The following LYRM2 variants were observed in gnomAD, a reference collection of about 807,000 sequenced individuals.
LYRM2 encodes LYR motif containing 2.
In LYRM2, 8 loss-of-function variants were observed where a neutral mutation model predicts 11.6. The observed-to-expected ratio is 0.69, with a 90% CI of 0.40 to 1.24. LYRM2 has a LOEUF of 1.24. Ranked by LOEUF, LYRM2 falls within the 50% of genes most tolerant of loss-of-function variation. The pLI is 0.01. For synonymous variants in LYRM2, 30 were observed against 36.4 expected (o/e 0.83, Z 0.63); for missense variants, 117 against 102.9 (o/e 1.14, Z -0.59).
Position 89,637,334 on chromosome 6 carries a change from A to C in LYRM2, c.206T>G (p.Ile69Ser), listed in dbSNP as rs531724273. The change falls in exon 3 of 3, where the codon ATT becomes AGT. Residue 69 changes from isoleucine (I) to serine (S), a missense_variant. Physicochemically the swap from Ile to Ser is moderately radical, Grantham distance 142. Transcript: ENST00000523377. ...ATEEDTIRMMITQGNMQLKEL... is the reference protein window; with the variant it reads ...ATEEDTIRMMSTQGNMQLKEL... ...CTTGAGCTGCATATTGCCTTGAGTA[A>C]TCATCATCCGGATTGTATCCTGTAG... 11 of 1,607,014 alleles carry C rather than the reference A, an allele frequency of 6.8e-6. No homozygotes were observed. The highest frequency in any genetic ancestry group is 9.4e-6 in the Non-Finnish European group (11 of 1,174,032).
At chr6:89,638,401 T>C (rs1261446065) in intron 1 of LYRM2, 33 of 1,404,282 alleles carry the variant, frequency 2.3e-5, no homozygotes, top group Non-Finnish European at 2.8e-5. Context: ...AATAGACTTT[T>C]ACCGTGGGCA....
At chr6:89,638,020 T>TC (rs1808061514) in intron 1 of LYRM2, 138 bp from the exon 2 acceptor site, 1 of 992,116 alleles carries the variant, frequency 1.0e-6, no homozygotes, top group East Asian at 2.5e-5. Flanking sequence ...CTTTTTTTTT[T>TC]CTTTTTTTGG....
intron 1 of LYRM2, chr6:89,638,336 T>C: frequency 8.2e-7 from 1 of 1,219,106 alleles, no homozygotes; most frequent in Non-Finnish European, 1.0e-6. Flanking sequence ...TTTTCTAAAT[T>C]AACAGTTGTT....
At chr6:89,637,675 TAAAAA>T (rs543524750) in intron 2 of LYRM2, 62 bp downstream of exon 2, 13 of 1,281,976 alleles carry the variant, frequency 1.0e-5, no homozygotes, top group South Asian at 7.4e-5. Flanking sequence ...CTGCTAAACT[TAAAAA>T]AAAAAATTCA....
In LYRM2 at chr6:89,632,368, A is replaced by AAATT. The variant is rs1563203006; in HGVS notation, c.*4904_*4905insAATT. 1.3e-5 allele frequency: 2 copies of AAATT among 151,702 alleles called. No individual in the cohort carries two copies. Among genetic ancestry groups the AAATT allele is most frequent in the African/African-American group, 4.8e-5 (2 of 41,262 alleles). The allele number at this position is 151,702 out of a possible 1,614,324, so 9.4% of individuals were successfully genotyped here. ...CATAGATATAGACATTCCTAAAAGAAAAATAATTCAGTAGATATATGTCAC... is the reference window on the plus strand; with the variant it reads ...CATAGATATAGACATTCCTAAAAGAAAATTAAATAATTCAGTAGATATATGTCAC... On this transcript the variant is annotated 3_prime_UTR_variant, in exon 3 of 3. Transcript: ENST00000523377.
In LYRM2 at chr6:89,633,776, C is replaced by G. The variant is rs1473463331; in HGVS notation, c.*3497G>C. 1 of 152,034 alleles carries G rather than the reference C, an allele frequency of 6.6e-6. No individual in the cohort carries two copies. The highest frequency in any genetic ancestry group is 1.5e-5 in the Non-Finnish European group (1 of 68,012). The allele number at this position is 152,034 out of a possible 1,614,324, so 9.4% of individuals were successfully genotyped here. Reference sequence around the variant, plus strand: ...TTATCACCTTGAATTTGTGTCTCTTCCAAGCATTAAAGATACTATGGATCT... The same window carrying G: ...TTATCACCTTGAATTTGTGTCTCTTGCAAGCATTAAAGATACTATGGATCT... On this transcript the variant is annotated 3_prime_UTR_variant, in exon 3 of 3. Coordinates refer to ENST00000523377, the MANE Select transcript of LYRM2 (RefSeq NM_020466.5).
At chr6:89,638,575 C>G in intron 1 of LYRM2, 97 bp downstream of exon 1, 1 of 1,602,062 alleles carries the variant, frequency 6.2e-7, no homozygotes. Context: ...CACGCCGCAT[C>G]AGGACCCCGG....
At position 89,634,155 on chromosome 6, in the gene LYRM2, A is replaced by G. The variant is rs1158334301; in HGVS notation, c.*3118T>C. On this transcript the variant is annotated 3_prime_UTR_variant, in exon 3 of 3. Coordinates refer to ENST00000523377, the MANE Select transcript of LYRM2 (RefSeq NM_020466.5). ...CAACATTATACTTTTTGACTAAGTTATTAAAAGTTAAATGCATTTCTTCTT... is the reference window on the plus strand; with the variant it reads ...CAACATTATACTTTTTGACTAAGTTGTTAAAAGTTAAATGCATTTCTTCTT... 6.6e-6 allele frequency: 1 copy of G among 152,270 alleles called. No homozygotes were observed. The highest frequency in any genetic ancestry group is 1.5e-5 in the Non-Finnish European group (1 of 68,042). The allele number at this position is 152,270 out of a possible 1,614,324, so 9.4% of individuals were successfully genotyped here.
intron 1 of LYRM2, chr6:89,638,454 GAC>G: frequency 2.1e-6 from 3 of 1,461,384 alleles, no homozygotes; most frequent in Non-Finnish European, 2.7e-6. Flanking sequence ...TCAAGCGCCT[GAC>G]GCTGTCTCAC....
rs1243020829 is a variant in LYRM2 at position 89,637,823 on chromosome 6, T to G, written c.105A>C (p.Gln35His). 1 of 1,614,190 alleles carries G rather than the reference T, an allele frequency of 6.2e-7. No homozygotes were observed. The highest frequency in any genetic ancestry group is 1.7e-5 in the Admixed American group (1 of 60,020). Residue 35 changes from glutamine (Q) to histidine (H), a missense_variant, in exon 2 of 3, where the codon CAA becomes CAC. Physicochemically the swap from Gln to His is conservative, Grantham distance 24. Transcript: ENST00000523377. ...ATTTGCGATCAGAATCATTTGGAAC[T>G]TGCCGAATTGTTTGCAAAATCCTTC... ...LYRRILQTIR[Q>H]VPNDSDRKYL...
At chr6:89,638,014 T>C (rs1371282688) in intron 1 of LYRM2, 132 bp from the exon 2 acceptor site, 13 of 1,005,846 alleles carry the variant, frequency 1.3e-5, no homozygotes, top group African/African-American at 3.3e-5. Flanking sequence ...GAAAAACTTT[T>C]TTTTTTCTTT....
At chr6:89,638,172 C>G in intron 1 of LYRM2, 1 of 733,194 alleles carries the variant, frequency 1.4e-6, no homozygotes. Flanking sequence ...GGCCCTGTCT[C>G]AAAAAGATGT....
intron 1 of LYRM2, chr6:89,638,316 C>T: frequency 8.4e-7 from 1 of 1,183,932 alleles, no homozygotes; most frequent in South Asian, 2.5e-5. Flanking sequence ...GTTATTACAA[C>T]GACAGCACTT....
At position 89,636,546 on chromosome 6, in the gene LYRM2, T is replaced by TGAA. The variant is rs1268542362; in HGVS notation, c.*724_*726dup. On this transcript the variant is annotated 3_prime_UTR_variant, in exon 3 of 3. Coordinates refer to ENST00000523377, the MANE Select transcript of LYRM2 (RefSeq NM_020466.5). ...TTTGAGGAACTGACCGTCTGTTTTC[T>TGAA]GAAGTGGCTACACCATTTTACATTC... is the stretch of plus-strand genomic sequence containing the variant. The TGAA allele has an allele frequency of 6.6e-6, 1 of 152,384 alleles. No individual in the cohort carries two copies. Among genetic ancestry groups the TGAA allele is most frequent in the East Asian group, 1.9e-4 (1 of 5,190 alleles). 9.4% of individuals were successfully genotyped at this position (152,384 alleles called of 1,614,324 possible).
rs572877781 is a variant in LYRM2, at chr6:89,634,326, C to A, written c.*2947G>T. 1 of 152,014 alleles carries A rather than the reference C, an allele frequency of 6.6e-6. No homozygotes were observed. Among genetic ancestry groups the A allele is most frequent in the East Asian group, 1.9e-4 (1 of 5,176 alleles). 9.4% of individuals were successfully genotyped at this position (152,014 alleles called of 1,614,324 possible). On this transcript the variant is annotated 3_prime_UTR_variant, in exon 3 of 3. Coordinates refer to ENST00000523377, the MANE Select transcript of LYRM2 (RefSeq NM_020466.5). ...GGAGAAATACTCTTTCCCTTTGATA[C>A]GACTATAATATTATAAACAGCAAGG...
chr6:89,637,383 T>C, intron 2 of LYRM2, 30 bp from the exon 3 acceptor site: 1 of 1,409,880 alleles, frequency 7.1e-7, no homozygotes, highest in Non-Finnish European at 1.0e-6. Flanking sequence ...CTGGTTATAG[T>C]TTTACCTGGT....
Position 89,632,624 on chromosome 6 carries a change from G to A in LYRM2, c.*4649C>T, listed in dbSNP as rs1018249404. 6.6e-6 allele frequency: 1 copy of A among 152,138 alleles called. No homozygotes were observed. The highest frequency in any genetic ancestry group is 6.5e-5 in the Admixed American group (1 of 15,272). 9.4% of individuals were successfully genotyped at this position (152,138 alleles called of 1,614,324 possible). Reference sequence around the variant, plus strand: ...AAGGTCTCATGATATTGCCCAGGCTGAATTTGATGTTATTTCAAGTTGATT... The same window carrying A: ...AAGGTCTCATGATATTGCCCAGGCTAAATTTGATGTTATTTCAAGTTGATT... On this transcript the variant is annotated 3_prime_UTR_variant, in exon 3 of 3. Coordinates refer to ENST00000523377, the MANE Select transcript of LYRM2 (RefSeq NM_020466.5).
Position 89,632,875 on chromosome 6 carries a change from A to G in LYRM2, c.*4398T>C, listed in dbSNP as rs1213431856. The G allele has an allele frequency of 1.3e-5, 2 of 152,246 alleles. No individual in the cohort carries two copies. Among genetic ancestry groups the G allele is most frequent in the African/African-American group, 4.8e-5 (2 of 41,454 alleles). The allele number at this position is 152,246 out of a possible 1,614,324, so 9.4% of individuals were successfully genotyped here. ...CTCAGTATACATCAATTTATTGAGA[A>G]CTGCCTAATACTCAAGAAATTAAAT... On this transcript the variant is annotated 3_prime_UTR_variant, in exon 3 of 3. Coordinates refer to ENST00000523377, the MANE Select transcript of LYRM2 (RefSeq NM_020466.5).
chr6:89,637,770 A>G lies in LYRM2; in HGVS notation c.158T>C (p.Phe53Ser). The G allele has an allele frequency of 6.2e-7, 1 of 1,614,040 alleles. No homozygotes were observed. ...TTCGGTGGCACTTTTGTTTCTTCTG[A>G]ATTCTTCTCTTGCCCAATCTTTCAG... Reference protein sequence around the residue: ...KYLKDWAREEFRRNKSATEED... With the variant: ...KYLKDWAREESRRNKSATEED... Residue 53 changes from phenylalanine to serine, a missense_variant, in exon 2 of 3, where the codon TTC (phenylalanine) becomes TCC (serine). Phe to Ser is a radical substitution (Grantham distance 155). Transcript: ENST00000523377.
Sources: gnomAD v4.1 joint callset for allele counts on GRCh38, gnomAD v4.1.1 for gene constraint, MANE v1.5 for transcripts, NCBI Gene and HGNC (gene_info 2026-07-23, HGNC 2026-07-21) for gene names.